Variants in PLEKHM1 observed in about 807,000 individuals in gnomAD.
The protein encoded by PLEKHM1 is pleckstrin homology and RUN domain containing M1, also known as pleckstrin homology domain-containing family M member 1.
In PLEKHM1, 28 loss-of-function variants were observed where a neutral mutation model predicts 94.3. That is an observed-to-expected ratio of 0.30 (90% CI 0.22 to 0.41). PLEKHM1 has a LOEUF of 0.41. Among genes scored for constraint, PLEKHM1 ranks in the 10% least tolerant of loss-of-function variants. The probability of loss-of-function intolerance (pLI) is 1.00; values close to 1 mark genes in which losing one functional copy is unlikely to be tolerated. For synonymous variants in PLEKHM1, 424 were observed against 581.2 expected (o/e 0.73, Z 3.89); for missense variants, 907 against 1,358.6 (o/e 0.67, Z 5.22).
At chr17:45,465,346 G>A (rs1051918790) in intron 5 of PLEKHM1, among the ~76,000 whole-genome samples, 4 of 151,894 alleles carry the variant, frequency 2.6e-5, no homozygotes, top group Non-Finnish European at 5.9e-5. Flanking sequence ...TTTGAGCTAC[G>A]GGGGTCCGGT....
At chr17:45,474,898 C>T (rs1305160064) in intron 4 of PLEKHM1, among the ~76,000 whole-genome samples, 12 of 152,148 alleles carry the variant, frequency 7.9e-5, no homozygotes, top group Admixed American at 7.9e-4. Flanking sequence ...GTTCTAAGTC[C>T]ACTTTCTCCA....
At chr17:45,464,886 G>A (rs1465386904) in intron 5 of PLEKHM1, among the ~76,000 whole-genome samples, 1 of 152,190 alleles carries the variant, frequency 6.6e-6, no homozygotes, top group African/African-American at 2.4e-5. Flanking sequence ...ATAATCTTAA[G>A]TTTCACATTT....
At position 45,490,642 on chromosome 17, in the gene PLEKHM1, C is replaced by T; in HGVS notation, c.-42+10G>A. The T allele has an allele frequency of 6.7e-6, 3 of 449,852 alleles. No individual in the cohort carries two copies. Among genetic ancestry groups the T allele is most frequent in the Non-Finnish European group, 1.3e-5 (3 of 223,858 alleles). 27.9% of individuals were successfully genotyped at this position (449,852 alleles called of 1,614,324 possible). A position where few individuals can be genotyped will look rare whatever the true frequency, so the allele number is the denominator to read the frequency against. ...CGCCGCCCTCCTCGCATCTTGACCC[C>T]CTAACTCACCAAGCGGAGCGAGGAG... On this transcript the variant is annotated intron_variant, in intron 1 of 11. Coordinates refer to ENST00000430334, the MANE Select transcript of PLEKHM1 (RefSeq NM_014798.3).
intron 1 of PLEKHM1, among the ~76,000 whole-genome samples, chr17:45,487,185 T>C (rs1161494512): frequency 1.3e-5 from 2 of 152,220 alleles, no homozygotes; most frequent in Non-Finnish European, 2.9e-5. Context: ...CCACCCTGTG[T>C]ATTCATTCGC....
intron 1 of PLEKHM1, among the ~76,000 whole-genome samples, chr17:45,484,101 G>A (rs1452646262): frequency 3.3e-5 from 5 of 152,174 alleles, no homozygotes; most frequent in Admixed American, 2.6e-4. Flanking sequence ...CAGACTCTCA[G>A]CAATTAAGAT....
chr17:45,486,400 G>A (rs1305010946), intron 1 of PLEKHM1, among the ~76,000 whole-genome samples: 2 of 150,998 alleles, frequency 1.3e-5, no homozygotes, highest in Admixed American at 6.6e-5. Flanking sequence ...GGCTAACACG[G>A]TGAAACCCCA....
Position 45,475,416 on chromosome 17 carries a change from C to T in PLEKHM1, c.607G>A (p.Glu203Lys). Reference sequence around the variant, plus strand: ...CCAGAGGTAGAGAGAGGGTCCAGCTCAGAAAGCGGGCAAAGCCCAGACAGG... The same window carrying T: ...CCAGAGGTAGAGAGAGGGTCCAGCTTAGAAAGCGGGCAAAGCCCAGACAGG... ...LALSGLCPLSELDPLSTSGAE... is the reference protein window; with the variant it reads ...LALSGLCPLSKLDPLSTSGAE... Residue 203 changes from glutamate (E) to lysine (K), a missense_variant, in exon 4 of 12, where the codon GAG (glutamate) becomes AAG (lysine). By Grantham distance (56) the Glu-to-Lys change is moderately conservative. Coordinates refer to ENST00000430334, the MANE Select transcript of PLEKHM1 (RefSeq NM_014798.3). 6.2e-7 allele frequency: 1 copy of T among 1,613,496 alleles called. No homozygotes were observed. Among genetic ancestry groups the T allele is most frequent in the South Asian group, 1.1e-5 (1 of 91,068 alleles).
chr17:45,454,652 C>G (rs924332351), intron 6 of PLEKHM1: 7 of 437,760 alleles, frequency 1.6e-5, no homozygotes, highest in African/African-American at 1.2e-4. Context: ...TACTCAAGGA[C>G]AAGGAGCAGT....
At chr17:45,457,484 C>T (rs554062456) in intron 6 of PLEKHM1, among the ~76,000 whole-genome samples, 27 of 151,276 alleles carry the variant, frequency 1.8e-4, no homozygotes, top group Admixed American at 1.2e-3. Flanking sequence ...TGCTTGAACA[C>T]GGGAGGCGGA....
rs752214615 is a variant in PLEKHM1, at chr17:45,458,453, A to T, written c.1309-14T>A. On this transcript the variant is annotated splice_polypyrimidine_tract_variant and intron_variant, in intron 5 of 11. Coordinates refer to ENST00000430334, the MANE Select transcript of PLEKHM1 (RefSeq NM_014798.3). The stretch of plus-strand genomic sequence containing the variant: ...GCTCTTGTTTTTCTGTTGGGAAAGA[A>T]GACAACAGTTGTTTGTTTTAAAGTT... 3.7e-6 allele frequency: 6 copies of T among 1,605,384 alleles called. No homozygotes were observed. The African/African-American group carries it at 4.0e-5, about 11-fold the overall frequency.
intron 8 of PLEKHM1, 67 bp downstream of exon 8, chr17:45,450,548 ACAG>A: frequency 1.3e-6 from 2 of 1,571,338 alleles, no homozygotes; most frequent in Non-Finnish European, 1.7e-6. Flanking sequence ...AAACAGATGA[ACAG>A]CAGCAGCAAA....
chr17:45,443,769 T>C (rs1401434470), intron 9 of PLEKHM1, among the ~76,000 whole-genome samples: 4 of 152,054 alleles, frequency 2.6e-5, no homozygotes, highest in Non-Finnish European at 5.9e-5. Flanking sequence ...CCTGGTTAGG[T>C]GGGCAGGAGG....
chr17:45,464,037 T>C (rs1411807187), intron 5 of PLEKHM1: 2 of 152,084 alleles, frequency 1.3e-5, no homozygotes, highest in African/African-American at 4.8e-5. Flanking sequence ...GGGAACCACA[T>C]ACCATGGGCA....
At chr17:45,480,381 G>A (rs889380347) in intron 2 of PLEKHM1, among the ~76,000 whole-genome samples, 1 of 152,082 alleles carries the variant, frequency 6.6e-6, no homozygotes, top group Non-Finnish European at 1.5e-5. Flanking sequence ...CTACTTGGGA[G>A]GCAGAGGCAT....
intron 8 of PLEKHM1, 122 bp downstream of exon 8, chr17:45,450,496 A>G: frequency 6.7e-7 from 1 of 1,488,348 alleles, no homozygotes. Flanking sequence ...TGCCTGAACC[A>G]GTGACCCTGG....
intron 5 of PLEKHM1, among the ~76,000 whole-genome samples, chr17:45,461,351 C>T (rs2051146454): frequency 6.6e-6 from 1 of 152,150 alleles, no homozygotes; most frequent in Non-Finnish European, 1.5e-5. Context: ...TTTCATTTTC[C>T]GGATGGTGTG....
At position 45,439,632 on chromosome 17, in the gene PLEKHM1, G is replaced by A. The variant is rs767538951; in HGVS notation, c.2904C>T (p.Ile968=). ...GGAATCCTTCATACACCCCGTCTGC[G>A]ATCTGCGGAGGGCAAGTAGGAATCC... ...HRFSVADLQQ[I]ADGVYEGFLK... Residue 968 remains isoleucine, a splice_region_variant and synonymous_variant, in exon 11 of 12, where the codon ATC becomes ATT. Transcript: ENST00000430334. The A allele has an allele frequency of 4.3e-6, 7 of 1,613,926 alleles. No homozygotes were observed. Among genetic ancestry groups the A allele is most frequent in the African/African-American group, 4.0e-5 (3 of 75,002 alleles).
At position 45,437,241 on chromosome 17, in the gene PLEKHM1, T is replaced by C. The variant is rs1187276949; in HGVS notation, c.*617A>G. 4.4e-6 allele frequency: 2 copies of C among 454,028 alleles called. No homozygotes were observed. The highest frequency in any genetic ancestry group is 4.7e-5 in the Admixed American group (2 of 42,574). 28.1% of individuals were successfully genotyped at this position (454,028 alleles called of 1,614,324 possible). A position where few individuals can be genotyped will look rare whatever the true frequency, so the allele number is the denominator to read the frequency against. ...GTCGCCAGGACTGGCCCTGCCCTGC[T>C]GAGGGGCGGTTTGGCACTGGCAGTG... On this transcript the variant is annotated 3_prime_UTR_variant, in exon 12 of 12. Coordinates refer to ENST00000430334, the MANE Select transcript of PLEKHM1 (RefSeq NM_014798.3). The surrounding 1 kb of genome is among the most constrained non-coding windows in gnomAD (Gnocchi z 4.0).
rs144734473 is a variant in PLEKHM1, at chr17:45,472,331, T to C, written c.923+2769A>G. ...GTTACTCACACCACTGTCCGGCATT[T>C]GTCTATACATCCTGACCCTTGACCC... On this transcript the variant is annotated intron_variant, in intron 4 of 11. Transcript: ENST00000430334. Among the ~76,000 whole-genome samples the C allele has an allele frequency of 4.9e-4, 74 of 152,338 alleles. No homozygotes were observed. The East Asian group carries it at 0.013, about 27-fold the overall frequency.
Sources: allele counts gnomAD v4.1 joint callset (sites outside exome capture counted in the v4.1 genomes callset), GRCh38; gene constraint gnomAD v4.1.1; non-coding constraint Gnocchi (gnomAD v3.1); transcripts MANE v1.5; gene names NCBI Gene and HGNC (gene_info 2026-07-23, HGNC 2026-07-21).